FAM135B: variants seen among roughly 807,000 people sequenced by gnomAD.
FAM135B encodes the protein protein FAM135B.
FAM135B carries 43 observed loss-of-function variants against 127.7 expected under a neutral mutation model. The ratio of observed to expected loss-of-function variants is 0.34; its 90% CI spans 0.26 to 0.43. FAM135B has a LOEUF of 0.43. Among genes scored for constraint, FAM135B ranks in the 20% least tolerant of loss-of-function variants. The probability of loss-of-function intolerance (pLI) is 1.00; values close to 1 mark genes in which losing one functional copy is unlikely to be tolerated. For missense variants in FAM135B, 1,558 were observed against 1,725.6 expected (o/e 0.90, Z 1.72); for synonymous variants, 670 against 665.1 (o/e 1.01, Z -0.11).
intron 1 of FAM135B, among the ~76,000 whole-genome samples, chr8:138,407,571 T>A (rs1054593681): frequency 6.6e-6 from 1 of 152,074 alleles, no homozygotes; most frequent in Admixed American, 6.6e-5. Context: ...CATAGATCAA[T>A]GGAACAGAAC....
At position 138,145,528 on chromosome 8, in the gene FAM135B, G is replaced by A. The variant is rs1417082122; in HGVS notation, c.3540+431C>T. On this transcript the variant is annotated intron_variant, in intron 15 of 19. Coordinates refer to ENST00000395297, the MANE Select transcript of FAM135B (RefSeq NM_015912.4). ...CCATGAAGATAAAATGGGGAAACAG[G>A]TACGGAGTACTCAGATGCTCCAAAA... is the stretch of plus-strand genomic sequence containing the variant. Among the ~76,000 whole-genome samples the A allele has an allele frequency of 2.4e-4, 37 of 152,124 alleles. 1 individual carries two copies. Among genetic ancestry groups the A allele is most frequent in the Admixed American group, 2.4e-3 (37 of 15,268 alleles).
chr8:138,185,476 C>T, intron 9 of FAM135B, among the ~76,000 whole-genome samples: 1 of 152,236 alleles, frequency 6.6e-6, no homozygotes, highest in African/African-American at 2.4e-5. Flanking sequence ...CATTTAAAGA[C>T]CCTCTGACAA....
chr8:138,227,905 G>GA, intron 7 of FAM135B, among the ~76,000 whole-genome samples: 1 of 152,034 alleles, frequency 6.6e-6, no homozygotes, highest in South Asian at 2.1e-4. Flanking sequence ...GAACTGCAAT[G>GA]AAAAAATAAC....
chr8:138,297,647 C>T lies in FAM135B; in HGVS notation c.157+13194G>A, dbSNP rs193044003. Among the ~76,000 whole-genome samples the T allele has an allele frequency of 6.6e-5, 10 of 152,244 alleles. No individual in the cohort carries two copies. In the East Asian group the frequency reaches 7.7e-4, roughly 12 times the overall value. On this transcript the variant is annotated intron_variant, in intron 3 of 19. Coordinates refer to ENST00000395297, the MANE Select transcript of FAM135B (RefSeq NM_015912.4). ...CTTGTCACTGCTGCATCAGTGTGAA[C>T]GTCCAATGAGAGCTGGGAGTATGAA...
In FAM135B at chr8:138,152,554, A is replaced by G. The variant is rs2130773866; in HGVS notation, c.1921T>C (p.Cys641Arg). The change falls in exon 13 of 20, where the codon TGT becomes CGT. Residue 641 changes from cysteine (C) to arginine (R), a missense_variant. This residue lies in a region of FAM135B where 923 missense variants were observed against 865.3 expected (regional missense o/e 1.07). Coordinates refer to ENST00000395297, the MANE Select transcript of FAM135B (RefSeq NM_015912.4). ...LSLKLTPSEP[C>R]DPLSSTLREP... ...CTCAGGGTAGAACTTAGTGGATCACAGGGCTCAGAGGGGGTGAGTTTCAAG... is the reference window on the plus strand; with the variant it reads ...CTCAGGGTAGAACTTAGTGGATCACGGGGCTCAGAGGGGGTGAGTTTCAAG... The G allele has an allele frequency of 6.2e-7, 1 of 1,614,184 alleles. No individual in the cohort carries two copies. The highest frequency in any genetic ancestry group is 8.5e-7 in the Non-Finnish European group (1 of 1,180,024).
In FAM135B at chr8:138,312,163, T is replaced by G. The variant is rs542765321; in HGVS notation, c.78-1243A>C. Among the ~76,000 whole-genome samples, 13 of 152,248 alleles carry G rather than the reference T, an allele frequency of 8.5e-5. No homozygotes were observed. The East Asian group carries it at 1.9e-3, about 23-fold the overall frequency. ...GGTTTCACCATGTTGGTCAGTCTGG[T>G]CTTGAACTCCTGACCTCATGATCCA... On this transcript the variant is annotated intron_variant, in intron 2 of 19. Coordinates refer to ENST00000395297, the MANE Select transcript of FAM135B (RefSeq NM_015912.4).
In FAM135B at chr8:138,269,924, A is replaced by G. The variant is rs796795743; in HGVS notation, c.158-4082T>C. ...TTTTCGGACCCTTTCTAGGAACGGG[A>G]AGGACAGAAAGTCACCCTGAAGCCA... On this transcript the variant is annotated intron_variant, in intron 3 of 19. Coordinates refer to ENST00000395297, the MANE Select transcript of FAM135B (RefSeq NM_015912.4). Among the ~76,000 whole-genome samples the G allele has an allele frequency of 6.6e-5, 10 of 152,328 alleles. 1 individual carries two copies. Among genetic ancestry groups the G allele is most frequent in the African/African-American group, 2.4e-4 (10 of 41,574 alleles).
rs575117005 is a variant in FAM135B, at chr8:138,178,140, C to T, written c.1029+395G>A. On this transcript the variant is annotated intron_variant, in intron 10 of 19. Transcript: ENST00000395297. ...GTGTGAGCCTGTAATCCCAGCTACT[C>T]GGGAGGCTGAGGCAGGGGAATTGCT... is the stretch of plus-strand genomic sequence containing the variant. Among the ~76,000 whole-genome samples the T allele has an allele frequency of 7.3e-5, 11 of 151,426 alleles. No individual in the cohort carries two copies. The East Asian group carries it at 9.8e-4, about 13-fold the overall frequency.
chr8:138,363,926 C>T (rs1431062636), intron 2 of FAM135B, among the ~76,000 whole-genome samples: 2 of 152,120 alleles, frequency 1.3e-5, no homozygotes, highest in African/African-American at 2.4e-5. Context: ...AAAGGGTACT[C>T]TCCCTCTCTT....
intron 2 of FAM135B, among the ~76,000 whole-genome samples, chr8:138,353,795 T>C (rs1829921577): frequency 2.2e-5 from 1 of 44,774 alleles, no homozygotes; most frequent in Middle Eastern, 0.011. Flanking sequence ...GTGCTAGTGT[T>C]GTATAGTCAC....
intron 1 of FAM135B, among the ~76,000 whole-genome samples, chr8:138,402,462 C>A (rs1833206858): frequency 6.6e-6 from 1 of 152,112 alleles, no homozygotes; most frequent in African/African-American, 2.4e-5. Flanking sequence ...AGGCAAAACC[C>A]ACAATTCTGT....
At chr8:138,161,979 G>A (rs1161707776) in intron 12 of FAM135B, among the ~76,000 whole-genome samples, 1 of 152,120 alleles carries the variant, frequency 6.6e-6, no homozygotes, top group Non-Finnish European at 1.5e-5. Context: ...GAATAGAACA[G>A]AATTCCAACA....
chr8:138,481,822 A>AT (rs767061208), intron 1 of FAM135B, among the ~76,000 whole-genome samples: 1 of 152,228 alleles, frequency 6.6e-6, no homozygotes, highest in Non-Finnish European at 1.5e-5. Flanking sequence ...GAATTGTCCT[A>AT]TAAGACCAGC....
rs541204017 is a variant in FAM135B at position 138,284,654 on chromosome 8, T to A, written c.158-18812A>T. Among the ~76,000 whole-genome samples, 7 of 151,842 alleles carry A rather than the reference T, an allele frequency of 4.6e-5. No homozygotes were observed. In the South Asian group the frequency reaches 1.5e-3, roughly 32 times the overall value. ...TGTTCCCTCTGCTTGGAATGGCATT[T>A]CCCTTCCTTGTGGACCCAGAGGCTT... On this transcript the variant is annotated intron_variant, in intron 3 of 19. Coordinates refer to ENST00000395297, the MANE Select transcript of FAM135B (RefSeq NM_015912.4).
chr8:138,233,519 A>G (rs10090250), intron 7 of FAM135B, among the ~76,000 whole-genome samples: 29,181 of 152,120 alleles, frequency 0.19, 3,096 homozygotes, highest in Non-Finnish European at 0.24. Context: ...AATCAACTCA[A>G]ATGGATTAAA....
intron 2 of FAM135B, among the ~76,000 whole-genome samples, chr8:138,314,636 C>T (rs113693836): frequency 0.012 from 1,874 of 150,582 alleles, 42 homozygotes; most frequent in African/African-American, 0.043. Context: ...TTTCGGAGGC[C>T]GAGGCTGGAG....
At chr8:138,168,838 A>T (rs1820174757) in intron 11 of FAM135B, among the ~76,000 whole-genome samples, 1 of 152,174 alleles carries the variant, frequency 6.6e-6, no homozygotes, top group South Asian at 2.1e-4. Flanking sequence ...CTCTTCCCTC[A>T]AGGGAAGAAG....
chr8:138,289,837 G>A (rs1216958428), intron 3 of FAM135B, among the ~76,000 whole-genome samples: 1 of 152,088 alleles, frequency 6.6e-6, no homozygotes, highest in African/African-American at 2.4e-5. Flanking sequence ...GTTGTTGCTT[G>A]TTTTCATTTT....
chr8:138,152,338 C>T lies in FAM135B; in HGVS notation c.2137G>A (p.Val713Ile). 1.2e-6 allele frequency: 2 copies of T among 1,614,184 alleles called. No homozygotes were observed. The highest frequency in any genetic ancestry group is 1.7e-6 in the Non-Finnish European group (2 of 1,180,018). ...RALELPSDRE[V>I]LHPFVRRHAL... ...TGTCTTCGAACAAACGGGTGCAAGA[C>T]TTCCCGATCACTGGGCAACTCCAGA... Residue 713 changes from valine (V) to isoleucine (I), a missense_variant, in exon 13 of 20, where the codon GTC becomes ATC. Coordinates refer to ENST00000395297, the MANE Select transcript of FAM135B (RefSeq NM_015912.4).
Sources: gnomAD v4.1 joint callset for allele counts (sites outside exome capture counted in the v4.1 genomes callset) on GRCh38, gnomAD v4.1.1 for gene constraint, gnomAD v4.1.1 regional missense constraint, MANE v1.5 for transcripts, NCBI Gene and HGNC (gene_info 2026-07-23, HGNC 2026-07-21) for gene names.